GDI2: variants seen among roughly 807,000 people sequenced by gnomAD.
The protein encoded by GDI2 is rab GDP dissociation inhibitor beta.
A neutral mutation model predicts 54.2 loss-of-function variants in GDI2; 22 were observed. That is an observed-to-expected ratio of 0.41 (90% CI 0.29 to 0.58). The LOEUF is 0.58. Among genes scored for constraint, GDI2 ranks in the 20% least tolerant of loss-of-function variants. GDI2 has a pLI of 0.35. For synonymous variants in GDI2, 177 were observed against 182.1 expected (o/e 0.97, Z 0.23); for missense variants, 422 against 546.0 (o/e 0.77, Z 2.26).
intron 1 of GDI2, among the ~76,000 whole-genome samples, chr10:5,808,143 C>T (rs1327783981): frequency 6.6e-6 from 1 of 152,036 alleles, no homozygotes; most frequent in Non-Finnish European, 1.5e-5. Flanking sequence ...TTGAGACCAG[C>T]CTGGACAACA....
At chr10:5,781,181 A>G (rs1009388452) in intron 6 of GDI2, among the ~76,000 whole-genome samples, 2 of 151,940 alleles carry the variant, frequency 1.3e-5, no homozygotes, top group Non-Finnish European at 2.9e-5. Flanking sequence ...TGTAAAAAAA[A>G]AAAAGAACCT....
At position 5,813,280 on chromosome 10, in the gene GDI2, G is replaced by A. The variant is rs753206763; in HGVS notation, c.-22C>T. 27 of 1,566,158 alleles carry A rather than the reference G, an allele frequency of 1.7e-5. 2 individuals carry two copies. The South Asian group carries it at 2.2e-4, about 13-fold the overall frequency. On this transcript the variant is annotated 5_prime_UTR_variant, in exon 1 of 11. Coordinates refer to ENST00000380191, the MANE Select transcript of GDI2 (RefSeq NM_001494.4). ...TCATGGCGGGGCAGGCGCGGACGCA[G>A]GACCCGAGCAAGGAAAAGGCGCAGG...
At chr10:5,778,079 G>C (rs1223663424) in intron 6 of GDI2, among the ~76,000 whole-genome samples, 1 of 152,138 alleles carries the variant, frequency 6.6e-6, no homozygotes, top group Non-Finnish European at 1.5e-5. Context: ...AGTGGGAGTT[G>C]AACAATGACA....
intron 7 of GDI2, among the ~76,000 whole-genome samples, chr10:5,771,311 T>C (rs1840484016): frequency 6.6e-6 from 1 of 152,228 alleles, no homozygotes; most frequent in Non-Finnish European, 1.5e-5. Flanking sequence ...AGGGTTCAAA[T>C]CCTGGCTCTA....
intron 6 of GDI2, among the ~76,000 whole-genome samples, chr10:5,784,381 CCTT>C (rs1456867962): frequency 2.6e-5 from 4 of 152,270 alleles, no homozygotes; most frequent in East Asian, 1.9e-4. Flanking sequence ...TCTCGTGCCT[CCTT>C]GATTGGCGTA....
At chr10:5,803,488 T>C (rs1027158427) in intron 1 of GDI2, among the ~76,000 whole-genome samples, 2 of 152,216 alleles carry the variant, frequency 1.3e-5, no homozygotes, top group African/African-American at 4.8e-5. Flanking sequence ...AATCGGTTTA[T>C]TATTTGTCAG....
At chr10:5,782,986 GAA>G (rs2131695925) in intron 6 of GDI2, among the ~76,000 whole-genome samples, 2 of 152,256 alleles carry the variant, frequency 1.3e-5, no homozygotes, top group South Asian at 4.1e-4. Context: ...CTCAAAAAAT[GAA>G]AAAGACACAA....
intron 1 of GDI2, among the ~76,000 whole-genome samples, chr10:5,811,441 C>T (rs1336523256): frequency 6.6e-6 from 1 of 152,146 alleles, no homozygotes; most frequent in Non-Finnish European, 1.5e-5. Flanking sequence ...GTGATGTGAA[C>T]GAGGCTTGTG....
chr10:5,776,835 T>A lies in GDI2; in HGVS notation c.720-2894A>T, dbSNP rs1840632691. On this transcript the variant is annotated intron_variant, in intron 6 of 10. Transcript: ENST00000380191. The surrounding 1 kb of genome is among the most constrained non-coding windows in gnomAD (Gnocchi z 5.3). The stretch of plus-strand genomic sequence containing the variant: ...GAACTTCCCCTTATGGAGCTGAGGA[T>A]ATTCTGAAAGGATTTATGAATAATT... 1 of 1,352,652 alleles carries A rather than the reference T, an allele frequency of 7.4e-7. No individual in the cohort carries two copies. The highest frequency in any genetic ancestry group is 2.1e-5 in the Admixed American group (1 of 46,668). The allele number at this position is 1,352,652 out of a possible 1,614,324, so 83.8% of individuals were successfully genotyped here. A position where few individuals can be genotyped will look rare whatever the true frequency, so the allele number is the denominator to read the frequency against.
intron 4 of GDI2, among the ~76,000 whole-genome samples, chr10:5,789,517 G>A (rs547026690): frequency 1.3e-5 from 2 of 152,088 alleles, no homozygotes; most frequent in South Asian, 4.1e-4. Flanking sequence ...AAATGCCTGG[G>A]TTCAAGCAAT....
At chr10:5,782,163 T>C (rs1840771742) in intron 6 of GDI2, among the ~76,000 whole-genome samples, 1 of 152,198 alleles carries the variant, frequency 6.6e-6, no homozygotes, top group South Asian at 2.1e-4. Context: ...TCTTTAGAAA[T>C]GTGCAAAAGA....
Position 5,765,452 on chromosome 10 carries a change from A to G in GDI2, c.*554T>C, listed in dbSNP as rs1382955917. On this transcript the variant is annotated 3_prime_UTR_variant, in exon 11 of 11. Coordinates refer to ENST00000380191, the MANE Select transcript of GDI2 (RefSeq NM_001494.4). ...AAAACACCACATACAGGCTTTCTCC[A>G]AATGACTCCCTATGTCTGGGGTTTG... 6.5e-6 allele frequency: 1 copy of G among 152,746 alleles called. No individual in the cohort carries two copies. The highest frequency in any genetic ancestry group is 1.5e-5 in the Non-Finnish European group (1 of 68,170). 9.5% of individuals were successfully genotyped at this position (152,746 alleles called of 1,614,324 possible).
intron 4 of GDI2, among the ~76,000 whole-genome samples, chr10:5,788,507 A>AT (rs1192029836): frequency 6.6e-6 from 1 of 152,070 alleles, no homozygotes; most frequent in East Asian, 1.9e-4. Flanking sequence ...GAGGTGTCCA[A>AT]TTTTTTGGCT....
At chr10:5,800,760 G>T in intron 1 of GDI2, 55 bp from the exon 2 acceptor site, 1 of 881,966 alleles carries the variant, frequency 1.1e-6, no homozygotes. Flanking sequence ...ATTTAAAACA[G>T]ATCATTTTTT....
intron 4 of GDI2, among the ~76,000 whole-genome samples, chr10:5,793,500 T>G (rs1263735766): frequency 5.9e-5 from 9 of 152,212 alleles, no homozygotes; most frequent in Non-Finnish European, 1.0e-4. Context: ...TGCAGTATTT[T>G]TTACTTTCTG....
At chr10:5,789,033 C>G (rs1402414949) in intron 4 of GDI2, among the ~76,000 whole-genome samples, 1 of 152,128 alleles carries the variant, frequency 6.6e-6, no homozygotes, top group African/African-American at 2.4e-5. Context: ...TCCCAAAGTG[C>G]TGGGATGACA....
Position 5,813,268 on chromosome 10 carries a change from G to C in GDI2, c.-10C>G. 6.4e-7 allele frequency: 1 copy of C among 1,570,832 alleles called. No homozygotes were observed. Among genetic ancestry groups the C allele is most frequent in the Non-Finnish European group, 8.6e-7 (1 of 1,161,186 alleles). ...CGTACTCCTCATTCATGGCGGGGCAGGCGCGGACGCAGGACCCGAGCAAGG... is the reference window on the plus strand; with the variant it reads ...CGTACTCCTCATTCATGGCGGGGCACGCGCGGACGCAGGACCCGAGCAAGG... On this transcript the variant is annotated 5_prime_UTR_variant, in exon 1 of 11. Coordinates refer to ENST00000380191, the MANE Select transcript of GDI2 (RefSeq NM_001494.4).
At chr10:5,773,352 ATCTT>A (rs1210742539) in intron 7 of GDI2, among the ~76,000 whole-genome samples, 6 of 152,272 alleles carry the variant, frequency 3.9e-5, no homozygotes, top group African/African-American at 1.4e-4. Flanking sequence ...AAGGGAAACG[ATCTT>A]TTTTTCCTTG....
At chr10:5,807,068 T>C (rs1377964354) in intron 1 of GDI2, among the ~76,000 whole-genome samples, 1 of 152,138 alleles carries the variant, frequency 6.6e-6, no homozygotes, top group African/African-American at 2.4e-5. Flanking sequence ...TAACTAAAGC[T>C]AATAAAAAAT....
Sources: gnomAD v4.1 joint callset for allele counts (sites outside exome capture counted in the v4.1 genomes callset) on GRCh38, gnomAD v4.1.1 for gene constraint, Gnocchi (gnomAD v3.1) non-coding constraint, MANE v1.5 for transcripts, NCBI Gene and HGNC (gene_info 2026-07-23, HGNC 2026-07-21) for gene names.